Variants in EPHA5 observed in about 807,000 individuals in gnomAD.
EPHA5 encodes ephrin type-A receptor 5.
EPHA5 carries 60 observed loss-of-function variants against 105.0 expected under a neutral mutation model. The ratio of observed to expected loss-of-function variants is 0.57; its 90% CI spans 0.46 to 0.71. The LOEUF (loss-of-function observed/expected upper bound fraction) is 0.71, where lower values mean the gene tolerates loss of function less well. Among genes scored for constraint, EPHA5 ranks in the 30% least tolerant of loss-of-function variants. The pLI is 0.00. For missense variants in EPHA5, 1,218 were observed against 1,274.7 expected, an observed-to-expected ratio of 0.96 and a Z score of 0.68; for synonymous variants, 513 against 449.1, an observed-to-expected ratio of 1.14 and a Z score of -1.80.
intron 2 of EPHA5, among the ~76,000 whole-genome samples, chr4:65,629,596 G>C (rs1054130641): frequency 3.3e-5 from 5 of 151,994 alleles, no homozygotes; most frequent in Admixed American, 6.6e-5. Flanking sequence ...ATTTCACATT[G>C]GTAACTATTT....
intron 14 of EPHA5, among the ~76,000 whole-genome samples, chr4:65,341,503 T>C (rs889823040): frequency 1.3e-5 from 2 of 151,602 alleles, no homozygotes; most frequent in African/African-American, 2.4e-5. Context: ...CATAAATAAA[T>C]ATACATATGA....
At chr4:65,541,157 T>G (rs1418274977) in intron 3 of EPHA5, among the ~76,000 whole-genome samples, 1 of 151,190 alleles carries the variant, frequency 6.6e-6, no homozygotes, top group Admixed American at 6.6e-5. Flanking sequence ...CACATGAAAA[T>G]GTAAAGACAA....
chr4:65,383,029 A>AT (rs2148934302), intron 8 of EPHA5, among the ~76,000 whole-genome samples: 1 of 149,336 alleles, frequency 6.7e-6, no homozygotes, highest in African/African-American at 2.4e-5. Flanking sequence ...ATATAATTAA[A>AT]CATATAATTT....
chr4:65,572,187 A>G (rs1308736393), intron 3 of EPHA5, among the ~76,000 whole-genome samples: 1 of 152,150 alleles, frequency 6.6e-6, no homozygotes, highest in African/African-American at 2.4e-5. Context: ...TTATTAAATG[A>G]GTCATTTTCT....
intron 12 of EPHA5, among the ~76,000 whole-genome samples, chr4:65,352,622 C>T (rs1722922168): frequency 6.6e-6 from 1 of 151,904 alleles, no homozygotes; most frequent in African/African-American, 2.4e-5. Context: ...TAACTTGACA[C>T]CTTTATTAAT....
chr4:65,390,496 G>A (rs1194027530), intron 8 of EPHA5, among the ~76,000 whole-genome samples: 1 of 151,966 alleles, frequency 6.6e-6, no homozygotes, highest in African/African-American at 2.4e-5. Context: ...TAGGACCGGA[G>A]AGTATAATAA....
At chr4:65,488,481 A>G (rs1043444710) in intron 5 of EPHA5, among the ~76,000 whole-genome samples, 37 of 152,324 alleles carry the variant, frequency 2.4e-4, no homozygotes, top group African/African-American at 8.4e-4. Context: ...CTAACATGGG[A>G]AGAGAGTTCA....
At chr4:65,504,640 A>G (rs1732826329) in intron 3 of EPHA5, among the ~76,000 whole-genome samples, 1 of 151,932 alleles carries the variant, frequency 6.6e-6, no homozygotes. Context: ...TGCTTGACAT[A>G]TAGTAGCTAA....
intron 2 of EPHA5, among the ~76,000 whole-genome samples, chr4:65,638,104 AAAGTT>A (rs1202689284): frequency 1.3e-5 from 2 of 152,190 alleles, no homozygotes; most frequent in Non-Finnish European, 2.9e-5. Flanking sequence ...CTTAAGGCCT[AAAGTT>A]AAGAAGAATA....
chr4:65,520,303 G>T (rs1054515065), intron 3 of EPHA5, among the ~76,000 whole-genome samples: 24 of 152,246 alleles, frequency 1.6e-4, no homozygotes, highest in African/African-American at 5.8e-4. Flanking sequence ...AATAAATGGT[G>T]CTGGGAAAAC....
chr4:65,594,621 A>G (rs77770710), intron 3 of EPHA5, among the ~76,000 whole-genome samples: 36 of 152,326 alleles, frequency 2.4e-4, no homozygotes, highest in African/African-American at 7.2e-4. Flanking sequence ...AAGTTTGACC[A>G]GAAAGAAATC....
At chr4:65,630,594 T>C (rs1355866772) in intron 2 of EPHA5, among the ~76,000 whole-genome samples, 2 of 152,194 alleles carry the variant, frequency 1.3e-5, no homozygotes, top group Non-Finnish European at 2.9e-5. Context: ...GTGTACTTTA[T>C]TTCCTTTCAT....
chr4:65,488,947 G>T (rs375626735), intron 5 of EPHA5, among the ~76,000 whole-genome samples: 3 of 140,940 alleles, frequency 2.1e-5, no homozygotes, highest in African/African-American at 5.2e-5. Flanking sequence ...GCTCAGTGGC[G>T]CGATCTCGGC....
chr4:65,500,548 A>C (rs186016340), intron 3 of EPHA5, among the ~76,000 whole-genome samples: 1 of 135,996 alleles, frequency 7.4e-6, no homozygotes, highest in Non-Finnish European at 1.6e-5. Context: ...AAAATTACCA[A>C]AAAAAAAAAT....
chr4:65,433,101 C>A (rs1725131381), intron 5 of EPHA5, among the ~76,000 whole-genome samples: 1 of 152,052 alleles, frequency 6.6e-6, no homozygotes, highest in African/African-American at 2.4e-5. Context: ...ATTAAGTATG[C>A]AAACCAGAAC....
At chr4:65,430,601 A>T (rs1352033243) in intron 5 of EPHA5, among the ~76,000 whole-genome samples, 3 of 152,018 alleles carry the variant, frequency 2.0e-5, no homozygotes, top group African/African-American at 7.2e-5. Context: ...ATCCTTCCTA[A>T]CATCATTAGG....
At chr4:65,393,682 C>T (rs969833367) in intron 8 of EPHA5, among the ~76,000 whole-genome samples, 3 of 152,180 alleles carry the variant, frequency 2.0e-5, no homozygotes, top group African/African-American at 7.2e-5. Context: ...CTGGATCTAT[C>T]AGTACCTGTT....
intron 2 of EPHA5, among the ~76,000 whole-genome samples, chr4:65,639,530 C>A (rs1006408837): frequency 1.3e-5 from 2 of 152,158 alleles, no homozygotes; most frequent in Admixed American, 6.5e-5. Context: ...CCCTCTTTGG[C>A]TTTTGACAGT....
At chr4:65,326,001 G>GATATATATATCTCAT (rs1720037937) in intron 16 of EPHA5, among the ~76,000 whole-genome samples, 1 of 146,456 alleles carries the variant, frequency 6.8e-6, no homozygotes, top group Admixed American at 7.0e-5. Context: ...GAATCATTGA[G>GATATATATATCTCAT]ATATATATAT....
Sources: gnomAD v4.1 joint callset for allele counts (sites outside exome capture counted in the v4.1 genomes callset) on GRCh38, gnomAD v4.1.1 for gene constraint, MANE v1.5 for transcripts, NCBI Gene and HGNC (gene_info 2026-07-23, HGNC 2026-07-21) for gene names.